PCDH1: variants seen among roughly 807,000 people sequenced by gnomAD.
PCDH1 encodes protocadherin-1.
Under a neutral mutation model 74.6 loss-of-function variants are expected in PCDH1, and 23 were observed. The observed-to-expected ratio is 0.31, with a 90% confidence interval of 0.22 to 0.44. The LOEUF (loss-of-function observed/expected upper bound fraction) is 0.44, where lower values mean the gene tolerates loss of function less well. Among genes scored for constraint, PCDH1 ranks in the 20% least tolerant of loss-of-function variants. The pLI, the probability that PCDH1 is intolerant of heterozygous loss-of-function variation, is 1.00. For missense variants in PCDH1, 1,214 were observed against 1,641.4 expected (o/e 0.74, Z 4.50); for synonymous variants, 647 against 686.1 (o/e 0.94, Z 0.89).
chr5:141,869,721 C>T lies in PCDH1; in HGVS notation c.41-290G>A. 6.8e-7 allele frequency: 1 copy of T among 1,473,708 alleles called. No homozygotes were observed. The highest frequency in any genetic ancestry group is 1.3e-5 in the South Asian group (1 of 76,824). 91.3% of individuals were successfully genotyped at this position (1,473,708 alleles called of 1,614,324 possible). On this transcript the variant is annotated intron_variant, in intron 1 of 4. Coordinates refer to ENST00000287008, the MANE Select transcript of PCDH1 (RefSeq NM_032420.5). The surrounding 1 kb of genome is among the most constrained non-coding windows in gnomAD (Gnocchi z 4.9). ...CCTCACCCACCTGACGCTCCCTGGG[C>T]CCAAGCCCGGCTGCCCGCCCTCTTT...
At chr5:141,866,218 C>T (rs1752824939) in intron 2 of PCDH1, 2 of 985,424 alleles carry the variant, frequency 2.0e-6, no homozygotes, top group African/African-American at 3.5e-5. Flanking sequence ...CTCCTCCCGA[C>T]TGGCACCGGC....
Position 141,868,467 on chromosome 5 carries a change from T to C in PCDH1, c.903+102A>G. ...GAGAAGGGGTCTCACTACAGTATTC[T>C]GGCAGTTTTTCCCCTAAGTGAAGGG... On this transcript the variant is annotated intron_variant, in intron 2 of 4. Transcript: ENST00000287008. This position sits in a 1 kb window ranked among gnomAD's most constrained non-coding sequence, Gnocchi z 4.8. 1 of 1,493,716 alleles carries C rather than the reference T, an allele frequency of 6.7e-7. No individual in the cohort carries two copies. The highest frequency in any genetic ancestry group is 8.9e-7 in the Non-Finnish European group (1 of 1,125,038). 92.5% of individuals were successfully genotyped at this position (1,493,716 alleles called of 1,614,324 possible).
chr5:141,853,989 T>G lies in PCDH1; in HGVS notation c.*53A>C. The G allele has an allele frequency of 4.2e-6, 6 of 1,426,450 alleles. No individual in the cohort carries two copies. The highest frequency in any genetic ancestry group is 1.4e-5 in the African/African-American group (1 of 70,160). 88.4% of individuals were successfully genotyped at this position (1,426,450 alleles called of 1,614,324 possible). On this transcript the variant is annotated 3_prime_UTR_variant, in exon 5 of 5. Coordinates refer to ENST00000287008, the MANE Select transcript of PCDH1 (RefSeq NM_032420.5). Reference sequence around the variant, plus strand: ...GAGAGTGAGGCCCTGGAATGGGCCATTTGGGAGCTGGCCGGCGGCTGGGGG... The same window carrying G: ...GAGAGTGAGGCCCTGGAATGGGCCAGTTGGGAGCTGGCCGGCGGCTGGGGG...
chr5:141,857,514 C>A, intron 3 of PCDH1, 43 bp from the exon 4 acceptor site: 1 of 1,546,842 alleles, frequency 6.5e-7, no homozygotes, highest in Non-Finnish European at 8.8e-7. Context: ...CCAGCTTGCC[C>A]ACAGGGCCCA....
At chr5:141,867,809 C>T (rs1168634531) in intron 2 of PCDH1, among the ~76,000 whole-genome samples, 2 of 152,208 alleles carry the variant, frequency 1.3e-5, no homozygotes, top group African/African-American at 4.8e-5. Flanking sequence ...GAGGCCAGAG[C>T]TGAGATGACA....
At chr5:141,856,491 G>A (rs777338205) in intron 4 of PCDH1, among the ~76,000 whole-genome samples, 2 of 152,022 alleles carry the variant, frequency 1.3e-5, no homozygotes, top group African/African-American at 2.4e-5. Context: ...CCAACTTAGA[G>A]AGTCTTTCCA....
At position 141,874,658 on chromosome 5, in the gene PCDH1, C is replaced by G. The variant is rs557854211; in HGVS notation, c.40+3565G>C. On this transcript the variant is annotated intron_variant, in intron 1 of 4. Coordinates refer to ENST00000287008, the MANE Select transcript of PCDH1 (RefSeq NM_032420.5). ...AGAGTTCACCCGGAAACTTCACTTC[C>G]AGCCCACCCCGGGGACCAAGGTCCA... 1.3e-3 allele frequency among the ~76,000 whole-genome samples: 205 copies of G among 152,292 alleles called. 2 individuals carry two copies. Among genetic ancestry groups the G allele is most frequent in the African/African-American group, 4.6e-3 (190 of 41,542 alleles).
In PCDH1 at chr5:141,853,841, G is replaced by A. The variant is rs1348528619; in HGVS notation, c.*201C>T. 4.6e-6 allele frequency: 2 copies of A among 435,292 alleles called. No individual in the cohort carries two copies. The highest frequency in any genetic ancestry group is 4.0e-5 in the African/African-American group (2 of 50,034). 27.0% of individuals were successfully genotyped at this position (435,292 alleles called of 1,614,324 possible). On this transcript the variant is annotated 3_prime_UTR_variant, in exon 5 of 5. Coordinates refer to ENST00000287008, the MANE Select transcript of PCDH1 (RefSeq NM_032420.5). Reference sequence around the variant, plus strand: ...CCATAAAGGGGAAGGGGCCCCTGGGGGCTGGGAGATGGAAATGAGGGGAGA... The same window carrying A: ...CCATAAAGGGGAAGGGGCCCCTGGGAGCTGGGAGATGGAAATGAGGGGAGA...
In PCDH1 at chr5:141,864,677, T is replaced by C; in HGVS notation, c.1654A>G (p.Lys552Glu). The C allele has an allele frequency of 6.2e-7, 1 of 1,614,038 alleles. No homozygotes were observed. Among genetic ancestry groups the C allele is most frequent in the Non-Finnish European group, 8.5e-7 (1 of 1,180,032 alleles). ...TCGGGTGAGATGGTGAAGAGGCCCT[T>C]AGCAGCCGGCTCAGGCTCCAGAGAG... is the stretch of plus-strand genomic sequence containing the variant. ...VYSLEPEPAA[K>E]GLFTISPETG... The change falls in exon 3 of 5, where the codon AAG becomes GAG. Residue 552 changes from lysine to glutamate, a missense_variant. This residue lies in a region of PCDH1 where 836 missense variants were observed against 1,182.2 expected (regional missense o/e 0.71). Transcript: ENST00000287008. This position sits in a 1 kb window ranked among gnomAD's most constrained non-coding sequence, Gnocchi z 5.9.
chr5:141,867,553 C>A (rs1368080967), intron 2 of PCDH1: 1 of 455,274 alleles, frequency 2.2e-6, no homozygotes. Flanking sequence ...TATTTGCTAT[C>A]CCCGACTGTC....
At position 141,869,118 on chromosome 5, in the gene PCDH1, C is replaced by T. The variant is rs1239247876; in HGVS notation, c.354G>A (p.Glu118=). The T allele has an allele frequency of 6.2e-7, 1 of 1,613,956 alleles. No homozygotes were observed. The highest frequency in any genetic ancestry group is 8.5e-7 in the Non-Finnish European group (1 of 1,179,986). ...IFTTETSIDR[E]GLRECQNQLP... ...GCTGGTTCTGGCATTCACGGAGCCC[C>T]TCACGGTCGATGGAGGTCTCGGTGG... Residue 118 remains glutamate (E), a synonymous_variant, in exon 2 of 5, where the codon GAG becomes GAA. Transcript: ENST00000287008. The surrounding 1 kb of genome is among the most constrained non-coding windows in gnomAD (Gnocchi z 4.9).
Position 141,863,176 on chromosome 5 carries a change from C to G in PCDH1, c.3099+56G>C, listed in dbSNP as rs1241932869. On this transcript the variant is annotated intron_variant, in intron 3 of 4. Transcript: ENST00000287008. The surrounding 1 kb of genome is among the most constrained non-coding windows in gnomAD (Gnocchi z 7.5). ...CTCCCACACCTCGGTCCAGATGGCTCCGTGGTAGGGGTGGGGTAGGGGCTG... is the reference window on the plus strand; with the variant it reads ...CTCCCACACCTCGGTCCAGATGGCTGCGTGGTAGGGGTGGGGTAGGGGCTG... 6.6e-7 allele frequency: 1 copy of G among 1,510,708 alleles called. No individual in the cohort carries two copies. Among genetic ancestry groups the G allele is most frequent in the South Asian group, 1.4e-5 (1 of 72,600 alleles). The allele number at this position is 1,510,708 out of a possible 1,614,324, so 93.6% of individuals were successfully genotyped here.
Position 141,866,079 on chromosome 5 carries a change from T to C in PCDH1, c.904-652A>G. The C allele has an allele frequency of 3.0e-6, 3 of 985,598 alleles. No individual in the cohort carries two copies. The South Asian group carries it at 1.4e-4, about 46-fold the overall frequency. The allele number at this position is 985,598 out of a possible 1,614,324, so 61.1% of individuals were successfully genotyped here. ...ACATGAGTAAAGACTCACATGCCCA[T>C]CTGAAGGCCCCAGGTTGGGGGATTT... On this transcript the variant is annotated intron_variant, in intron 2 of 4. Transcript: ENST00000287008.
intron 1 of PCDH1, among the ~76,000 whole-genome samples, chr5:141,873,208 C>G (rs1753137394): frequency 6.6e-6 from 1 of 152,054 alleles, no homozygotes; most frequent in Non-Finnish European, 1.5e-5. Flanking sequence ...TCACTGCAAC[C>G]TCCACCTTTC....
intron 2 of PCDH1, among the ~76,000 whole-genome samples, chr5:141,866,394 G>A (rs184378258): frequency 1.3e-3 from 199 of 152,346 alleles, no homozygotes; most frequent in African/African-American, 4.5e-3. Context: ...CAACTCCAAC[G>A]CGCACTCGAC....
rs772456137 is a variant in PCDH1, at chr5:141,869,534, C to T, written c.41-103G>A. ...ATACTCACCCTCTCCCACTGACACA[C>T]GATTCTCCACAAGAGCAGTCAGTCC... On this transcript the variant is annotated intron_variant, in intron 1 of 4. Coordinates refer to ENST00000287008, the MANE Select transcript of PCDH1 (RefSeq NM_032420.5). The surrounding 1 kb of genome is among the most constrained non-coding windows in gnomAD (Gnocchi z 4.9). 1.2e-5 allele frequency: 18 copies of T among 1,543,584 alleles called. No homozygotes were observed. Among genetic ancestry groups the T allele is most frequent in the South Asian group, 4.7e-5 (4 of 84,338 alleles).
intron 3 of PCDH1, 57 bp from the exon 4 acceptor site, chr5:141,857,528 C>T: frequency 7.0e-7 from 1 of 1,438,230 alleles, no homozygotes; most frequent in Non-Finnish European, 9.6e-7. Context: ...GGGCCCACCA[C>T]CATACCAGGC....
At chr5:141,876,789 G>A (rs960285879) in intron 1 of PCDH1, among the ~76,000 whole-genome samples, 14 of 149,822 alleles carry the variant, frequency 9.3e-5, no homozygotes, top group South Asian at 6.4e-4. Flanking sequence ...GACCCACCAA[G>A]GTGTGTGGGA....
intron 3 of PCDH1, chr5:141,862,878 G>A (rs1752620149): frequency 1.7e-6 from 2 of 1,178,880 alleles, no homozygotes; most frequent in Non-Finnish European, 1.0e-6. Flanking sequence ...TAGGTTTGGA[G>A]TAGACTTCTT....
Sources: allele counts gnomAD v4.1 joint callset (sites outside exome capture counted in the v4.1 genomes callset), GRCh38; gene constraint gnomAD v4.1.1; regional missense constraint gnomAD v4.1.1; non-coding constraint Gnocchi (gnomAD v3.1); transcripts MANE v1.5; gene names NCBI Gene and HGNC (gene_info 2026-07-23, HGNC 2026-07-21).